The following DAB1 variants were observed in gnomAD, a reference collection of about 807,000 sequenced individuals.
DAB1 encodes DAB adaptor protein 1, also known as disabled homolog 1.
A neutral mutation model predicts 64.6 loss-of-function variants in DAB1; 15 were observed. That is an observed-to-expected ratio of 0.23 (90% CI 0.16 to 0.36). DAB1 has a LOEUF of 0.36. Among genes scored for constraint, DAB1 ranks in the 10% least tolerant of loss-of-function variants. The pLI is 1.00. For missense variants in DAB1, 596 were observed against 706.7 expected (o/e 0.84, Z 1.78); for synonymous variants, 235 against 251.9 (o/e 0.93, Z 0.64).
chr1:58,110,002 T>C (rs1477303251), intron 5 of DAB1, among the ~76,000 whole-genome samples: 2 of 152,252 alleles, frequency 1.3e-5, no homozygotes, highest in African/African-American at 4.8e-5. Context: ...TGATTGGTCC[T>C]GGTCCAGGGA....
chr1:57,687,117 C>A (rs1646706972), intron 6 of DAB1, among the ~76,000 whole-genome samples: 1 of 152,154 alleles, frequency 6.6e-6, no homozygotes, highest in African/African-American at 2.4e-5. Context: ...TCTCTTCACT[C>A]ATGATATATT....
chr1:57,188,143 C>T (rs146558887), intron 2 of DAB1, among the ~76,000 whole-genome samples: 8 of 152,248 alleles, frequency 5.3e-5, no homozygotes, highest in East Asian at 1.9e-4. Flanking sequence ...GTTTCTTTCT[C>T]GAGTCACTGA....
At chr1:57,451,532 C>T (rs114899830) in intron 7 of DAB1, among the ~76,000 whole-genome samples, 2 of 152,138 alleles carry the variant, frequency 1.3e-5, no homozygotes, top group African/African-American at 2.4e-5. Context: ...TCCTTGTATC[C>T]GAGATCTCTA....
intron 5 of DAB1, among the ~76,000 whole-genome samples, chr1:58,020,775 G>T (rs1045618742): frequency 6.6e-6 from 1 of 152,162 alleles, no homozygotes; most frequent in Non-Finnish European, 1.5e-5. Context: ...GGCCGAAGTG[G>T]GCGGATTACT....
At chr1:57,868,929 T>C (rs1654419498) in intron 1 of DAB1, among the ~76,000 whole-genome samples, 1 of 152,124 alleles carries the variant, frequency 6.6e-6, no homozygotes, top group African/African-American at 2.4e-5. Context: ...TCTTGATGCC[T>C]TCAAGATTTT....
chr1:57,880,415 G>C (rs1330485838), intron 1 of DAB1: 1 of 152,134 alleles, frequency 6.6e-6, no homozygotes, highest in East Asian at 1.9e-4. Context: ...TTCATACACT[G>C]TCATTCCTTT....
At chr1:57,984,099 ATTG>A (rs954550228) in intron 5 of DAB1, among the ~76,000 whole-genome samples, 2 of 151,858 alleles carry the variant, frequency 1.3e-5, no homozygotes, top group East Asian at 1.9e-4. Context: ...GCACTTATAA[ATTG>A]TTGTAAAAAA....
At chr1:58,414,664 T>C (rs1348036167) in intron 3 of DAB1, among the ~76,000 whole-genome samples, 1 of 152,024 alleles carries the variant, frequency 6.6e-6, no homozygotes, top group African/African-American at 2.4e-5. Context: ...GAAGGACATA[T>C]TGAGAAGCTT....
intron 1 of DAB1, among the ~76,000 whole-genome samples, chr1:57,322,433 T>C (rs1675798871): frequency 6.6e-6 from 1 of 152,166 alleles, no homozygotes; most frequent in Admixed American, 6.5e-5. Context: ...GTCTTCCCCA[T>C]GCCAACACAC....
intron 1 of DAB1, among the ~76,000 whole-genome samples, chr1:57,353,608 G>A (rs1385824112): frequency 1.3e-5 from 2 of 152,120 alleles, no homozygotes; most frequent in African/African-American, 4.8e-5. Context: ...ATCTCATTTT[G>A]TCTCAATTTT....
intron 5 of DAB1, among the ~76,000 whole-genome samples, chr1:58,069,790 C>T (rs533162873): frequency 2.6e-5 from 4 of 152,314 alleles, no homozygotes; most frequent in Admixed American, 1.3e-4. Flanking sequence ...GAAACTGAGG[C>T]TCAAAAAGTT....
chr1:58,521,012 C>T lies in DAB1; in HGVS notation n.107+6249G>A, dbSNP rs372957112. On this transcript the variant is annotated intron_variant and non_coding_transcript_variant, in intron 2 of 20. Coordinates refer to the DAB1 transcript ENST00000485760. ...ATGGCAGGATCCACTTTCAAGTGCA[C>T]GTCATTTTGACAAAATTGATCACAT... Among the ~76,000 whole-genome samples, 18 of 152,270 alleles carry T rather than the reference C, an allele frequency of 1.2e-4. No individual in the cohort carries two copies. The East Asian group carries it at 1.7e-3, about 15-fold the overall frequency.
At chr1:58,534,631 C>T (rs1478487015) in intron 1 of DAB1, among the ~76,000 whole-genome samples, 5 of 152,168 alleles carry the variant, frequency 3.3e-5, no homozygotes, top group African/African-American at 4.8e-5. Context: ...CTTTCCTAAA[C>T]ATTTTAGAAA....
chr1:57,269,214 C>G (rs1200419812), intron 2 of DAB1, among the ~76,000 whole-genome samples: 3 of 152,150 alleles, frequency 2.0e-5, no homozygotes, highest in Non-Finnish European at 4.4e-5. Context: ...CCCCAATCCC[C>G]TTGTCAGGAG....
intron 4 of DAB1, among the ~76,000 whole-genome samples, chr1:58,325,928 C>T (rs1194669847): frequency 1.3e-5 from 2 of 152,124 alleles, no homozygotes; most frequent in African/African-American, 2.4e-5. Flanking sequence ...GATGGTATCA[C>T]CCTCTGAGGC....
At position 57,006,542 on chromosome 1, in the gene DAB1, C is replaced by T. The variant is rs113477930; in HGVS notation, c.*15+4138G>A. Reference sequence around the variant, plus strand: ...GCCTGAGGTCTTGGCTGACACTGCCCTTAGCTAGACCCTGGTCATCTTCTG... The same window carrying T: ...GCCTGAGGTCTTGGCTGACACTGCCTTTAGCTAGACCCTGGTCATCTTCTG... On this transcript the variant is annotated intron_variant, in intron 14 of 14. Coordinates refer to ENST00000371236, the MANE Select transcript of DAB1 (RefSeq NM_001365792.1). Among the ~76,000 whole-genome samples the T allele has an allele frequency of 1.2e-3, 178 of 152,254 alleles. 3 individuals carry two copies. In the South Asian group the frequency reaches 0.033, roughly 28 times the overall value.
Position 58,164,189 on chromosome 1 carries a change from T to TAAA in DAB1, n.310-13604_310-13602dup, listed in dbSNP as rs71691727. 9.4e-3 allele frequency among the ~76,000 whole-genome samples: 1,082 copies of TAAA among 115,426 alleles called. 22 individuals carry two copies. The highest frequency in any genetic ancestry group is 0.033 in the African/African-American group (1,031 of 31,114). The allele number at this position is 115,426 out of a possible 152,430, so 75.7% of individuals were successfully genotyped here. ...CTAAACAACTCAAGAGAGCTCAGCT[T>TAAA]AAAAAAAAAAAAAAAAAAAAAGATG... On this transcript the variant is annotated intron_variant and non_coding_transcript_variant, in intron 4 of 20. Transcript: ENST00000485760.
chr1:58,530,179 C>G (rs1282957712), intron 1 of DAB1, among the ~76,000 whole-genome samples: 1 of 152,200 alleles, frequency 6.6e-6, no homozygotes, highest in Admixed American at 6.5e-5. Flanking sequence ...CGGCGCCCGG[C>G]CAATACCATG....
chr1:57,683,100 TAA>T (rs1646655525), intron 6 of DAB1, among the ~76,000 whole-genome samples: 2 of 152,276 alleles, frequency 1.3e-5, no homozygotes, highest in East Asian at 3.9e-4. Context: ...GCATCCAGCT[TAA>T]GAGTGCCAAG....
Sources: gnomAD v4.1 joint callset for allele counts (sites outside exome capture counted in the v4.1 genomes callset) on GRCh38, gnomAD v4.1.1 for gene constraint, MANE v1.5 for transcripts, NCBI Gene and HGNC (gene_info 2026-07-23, HGNC 2026-07-21) for gene names.